RANBP2: variants seen among roughly 807,000 people sequenced by gnomAD.
RANBP2 encodes the protein RAN binding protein 2.
In RANBP2, 57 loss-of-function variants were observed where a neutral mutation model predicts 303.6. The observed-to-expected ratio is 0.19, with a 90% CI of 0.15 to 0.23. RANBP2 has a LOEUF of 0.23. Ranked by LOEUF, RANBP2 falls within the 10% of genes least tolerant of loss-of-function variation. The probability of loss-of-function intolerance (pLI) is 1.00; values close to 1 mark genes in which losing one functional copy is unlikely to be tolerated. For synonymous variants in RANBP2, 1,167 were observed against 1,301.5 expected (o/e 0.90, Z 2.23); for missense variants, 3,138 against 3,780.8 (o/e 0.83, Z 4.46).
the RANBP2 span, among the ~76,000 whole-genome samples, chr2:109,083,520 C>G: frequency 6.6e-6 from 1 of 152,106 alleles, no homozygotes; most frequent in African/African-American, 2.4e-5. Context: ...ATGTAGCACA[C>G]TTTCTTTATT....
Position 108,771,693 on chromosome 2 carries a change from T to G in RANBP2, c.7850-8T>G, listed in dbSNP as rs781674495. 1 of 1,611,478 alleles carries G rather than the reference T, an allele frequency of 6.2e-7. No homozygotes were observed. ...TATCTTTGTCAATTTTTTTGACTGGTGTTACAGCAAAAGAGAAGAAAAAAC... is the reference window on the plus strand; with the variant it reads ...TATCTTTGTCAATTTTTTTGACTGGGGTTACAGCAAAAGAGAAGAAAAAAC... On this transcript the variant is annotated splice_region_variant and splice_polypyrimidine_tract_variant and intron_variant, in intron 20 of 28. Coordinates refer to ENST00000283195, the MANE Select transcript of RANBP2 (RefSeq NM_006267.5).
chr2:109,217,707 G>A, the RANBP2 span, among the ~76,000 whole-genome samples: 1 of 152,200 alleles, frequency 6.6e-6, no homozygotes, highest in Admixed American at 6.5e-5. Context: ...ACCTTTTTGG[G>A]GGAGGGTGGG....
the RANBP2 span, chr2:109,585,122 A>G: frequency 1.3e-6 from 2 of 1,537,802 alleles, no homozygotes; most frequent in East Asian, 2.3e-5. Context: ...AAGAAAACAC[A>G]TACCTCTCTT....
At chr2:109,722,680 T>C in the RANBP2 span, among the ~76,000 whole-genome samples, 4 of 152,184 alleles carry the variant, frequency 2.6e-5, no homozygotes, top group Admixed American at 6.5e-5. Context: ...TTCCCCACCA[T>C]GTGTCCTTCT....
the RANBP2 span, among the ~76,000 whole-genome samples, chr2:109,532,359 C>T: frequency 2.0e-5 from 3 of 152,056 alleles, 1 homozygote; most frequent in South Asian, 6.2e-4. Context: ...TTTATACTTC[C>T]AAAGCCCTAG....
the RANBP2 span, among the ~76,000 whole-genome samples, chr2:109,491,093 T>G: frequency 6.6e-6 from 1 of 152,184 alleles, no homozygotes; most frequent in Non-Finnish European, 1.5e-5. Context: ...GCTTGGGTGG[T>G]GAGTGCTGGA....
chr2:109,641,287 C>A, the RANBP2 span, among the ~76,000 whole-genome samples: 1 of 152,116 alleles, frequency 6.6e-6, no homozygotes, highest in Admixed American at 6.5e-5. Flanking sequence ...TACAGGAATA[C>A]ACCAGCATGC....
At chr2:109,707,118 A>G in the RANBP2 span, among the ~76,000 whole-genome samples, 1 of 152,208 alleles carries the variant, frequency 6.6e-6, no homozygotes, top group Non-Finnish European at 1.5e-5. Flanking sequence ...TACTTTTTTG[A>G]TAAAATAATT....
At chr2:109,542,993 A>T in the RANBP2 span, 2 of 152,664 alleles carry the variant, frequency 1.3e-5, no homozygotes, top group Admixed American at 6.5e-5. Flanking sequence ...TTTAGTAAAT[A>T]TATGTTTTAT....
At chr2:109,556,572 A>G in the RANBP2 span, among the ~76,000 whole-genome samples, 3 of 152,284 alleles carry the variant, frequency 2.0e-5, no homozygotes, top group Admixed American at 2.0e-4. Context: ...GAGATTACAA[A>G]TGTGCAAAAT....
chr2:108,992,163 T>C, the RANBP2 span, among the ~76,000 whole-genome samples: 1 of 152,210 alleles, frequency 6.6e-6, no homozygotes, highest in Non-Finnish European at 1.5e-5. Flanking sequence ...TTGATACCCA[T>C]GTACCCCATC....
chr2:109,332,311 C>T, the RANBP2 span, among the ~76,000 whole-genome samples: 1 of 152,146 alleles, frequency 6.6e-6, no homozygotes, highest in Non-Finnish European at 1.5e-5. Flanking sequence ...AGAGCTCCTC[C>T]TCCTGATTCT....
At chr2:108,719,759 C>T in intron 1 of RANBP2, 81 bp downstream of exon 1, 2 of 1,541,552 alleles carry the variant, frequency 1.3e-6, no homozygotes, top group Non-Finnish European at 8.7e-7. Flanking sequence ...TGGCTCCCGA[C>T]GGGCGCTGCT....
chr2:109,131,581 TG>T, the RANBP2 span, among the ~76,000 whole-genome samples: 3 of 152,190 alleles, frequency 2.0e-5, no homozygotes, highest in Admixed American at 6.5e-5. Context: ...CAGTTTATCT[TG>T]GGGGACTTTG....
At chr2:109,109,559 T>C in the RANBP2 span, among the ~76,000 whole-genome samples, 1 of 152,248 alleles carries the variant, frequency 6.6e-6, no homozygotes, top group Non-Finnish European at 1.5e-5. Flanking sequence ...AGTTATTTAT[T>C]GTATTGCAAG....
At chr2:109,213,768 CGTGGTCTCACT>C in the RANBP2 span, among the ~76,000 whole-genome samples, 1 of 152,134 alleles carries the variant, frequency 6.6e-6, no homozygotes, top group African/African-American at 2.4e-5. Context: ...AGGAACGTGA[CGTGGTCTCACT>C]GTGGTGTGGT....
the RANBP2 span, among the ~76,000 whole-genome samples, chr2:109,393,896 CAA>C: frequency 1.3e-4 from 19 of 151,134 alleles, no homozygotes; most frequent in Non-Finnish European, 1.2e-4. Flanking sequence ...AAAAAAAAAA[CAA>C]AGTCTCCTCA....
chr2:109,405,311 G>T, the RANBP2 span, among the ~76,000 whole-genome samples: 2 of 152,072 alleles, frequency 1.3e-5, no homozygotes, highest in Non-Finnish European at 2.9e-5. Flanking sequence ...GTCCTTAGGT[G>T]CCCTGAGCTA....
At chr2:109,073,391 A>C in the RANBP2 span, among the ~76,000 whole-genome samples, 1 of 152,192 alleles carries the variant, frequency 6.6e-6, no homozygotes, top group African/African-American at 2.4e-5. Context: ...ATGAAGGGCC[A>C]GGCACAGTGG....
Sources: allele counts gnomAD v4.1 joint callset (sites outside exome capture counted in the v4.1 genomes callset), GRCh38; gene constraint gnomAD v4.1.1; transcripts MANE v1.5; gene names NCBI Gene and HGNC (gene_info 2026-07-23, HGNC 2026-07-21).